LHFPL3: variants seen among roughly 807,000 people sequenced by gnomAD.
LHFPL3 encodes the protein LHFPL tetraspan subfamily member 3 protein.
LHFPL3 carries 5 observed loss-of-function variants against 19.3 expected under a neutral mutation model. That is an observed-to-expected ratio of 0.26 (90% CI 0.14 to 0.54). LHFPL3 has a LOEUF of 0.54. Among genes scored for constraint, LHFPL3 ranks in the 20% least tolerant of loss-of-function variants. The pLI, the probability that LHFPL3 is intolerant of heterozygous loss-of-function variation, is 0.94. For missense variants in LHFPL3, 249 were observed against 307.4 expected (o/e 0.81, Z 1.42); for synonymous variants, 133 against 126.2 (o/e 1.05, Z -0.36).
rs925432887 is a variant in LHFPL3, at chr7:104,668,817, C to T, written c.446-67858C>T. 1.9e-6 allele frequency: 3 copies of T among 1,608,916 alleles called. No homozygotes were observed. The African/African-American group carries it at 4.0e-5, about 22-fold the overall frequency. On this transcript the variant is annotated intron_variant, in intron 1 of 2. Transcript: ENST00000424859. Reference sequence around the variant, plus strand: ...AACTCCCAGTCCACTCGAGCTGCTTCTATCTTTGGAGGGGCAAAGCCTGTT... The same window carrying T: ...AACTCCCAGTCCACTCGAGCTGCTTTTATCTTTGGAGGGGCAAAGCCTGTT...
rs545507753 is a variant in LHFPL3 at position 104,892,968 on chromosome 7, C to T, written c.683-13219C>T. The stretch of plus-strand genomic sequence containing the variant: ...ACAGTGGCTCATGCTTGTAATCCCA[C>T]GCTGAAGCAGGAGGATTGCTTGAGG... On this transcript the variant is annotated intron_variant, in intron 2 of 2. Transcript: ENST00000424859. Among the ~76,000 whole-genome samples, 8 of 152,046 alleles carry T rather than the reference C, an allele frequency of 5.3e-5. No individual in the cohort carries two copies. The East Asian group carries it at 1.4e-3, about 26-fold the overall frequency.
chr7:104,580,718 C>T (rs1426512082), intron 1 of LHFPL3, among the ~76,000 whole-genome samples: 2 of 152,052 alleles, frequency 1.3e-5, no homozygotes, highest in African/African-American at 4.8e-5. Context: ...TCCACCCCTA[C>T]CCTCAGCAAC....
rs1040500632 is a variant in LHFPL3 at position 104,855,677 on chromosome 7, G to T, written c.683-50510G>T. The stretch of plus-strand genomic sequence containing the variant: ...CTCGCTCTGTCACCCAGTCTGGAGT[G>T]CAGTGGCACAATCTCAGCTCACTGC... On this transcript the variant is annotated intron_variant, in intron 2 of 2. Transcript: ENST00000424859. Among the ~76,000 whole-genome samples the T allele has an allele frequency of 1.6e-4, 24 of 150,734 alleles. 1 individual carries two copies. The Middle Eastern group carries it at 0.014, about 85-fold the overall frequency.
chr7:104,716,502 A>T (rs1793388975), intron 1 of LHFPL3, among the ~76,000 whole-genome samples: 1 of 152,224 alleles, frequency 6.6e-6, no homozygotes, highest in Non-Finnish European at 1.5e-5. Flanking sequence ...TCAACATACA[A>T]AATTCTGTTG....
intron 1 of LHFPL3, among the ~76,000 whole-genome samples, chr7:104,594,886 A>G (rs571164762): frequency 6.6e-6 from 1 of 152,102 alleles, no homozygotes; most frequent in African/African-American, 2.4e-5. Context: ...TTTCAGCTCC[A>G]TCAGGTCATT....
intron 2 of LHFPL3, among the ~76,000 whole-genome samples, chr7:104,881,813 T>G (rs903847227): frequency 6.6e-6 from 1 of 152,196 alleles, no homozygotes; most frequent in Admixed American, 6.5e-5. Context: ...GTGGTCTTAT[T>G]TTAGAAATTC....
At chr7:104,678,338 C>G (rs55752637) in intron 1 of LHFPL3, among the ~76,000 whole-genome samples, 21,388 of 152,138 alleles carry the variant, frequency 0.14, 1,608 homozygotes, top group Non-Finnish European at 0.17. Context: ...AAACAGCACC[C>G]CTTACCAAAC....
intron 2 of LHFPL3, among the ~76,000 whole-genome samples, chr7:104,904,458 C>A (rs773045385): frequency 1.3e-5 from 2 of 152,182 alleles, no homozygotes; most frequent in Non-Finnish European, 2.9e-5. Flanking sequence ...CAAGACCAGC[C>A]TGGCCAACAT....
At chr7:104,768,475 G>A (rs1794497776) in intron 2 of LHFPL3, among the ~76,000 whole-genome samples, 1 of 152,166 alleles carries the variant, frequency 6.6e-6, no homozygotes, top group South Asian at 2.1e-4. Context: ...ACACCTAGGG[G>A]TGCTGTGTGA....
chr7:104,517,200 T>G (rs1012003681), intron 1 of LHFPL3, among the ~76,000 whole-genome samples: 8 of 152,054 alleles, frequency 5.3e-5, no homozygotes, highest in African/African-American at 1.7e-4. Flanking sequence ...GATACTAGGC[T>G]TAATACCTGG....
intron 1 of LHFPL3, among the ~76,000 whole-genome samples, chr7:104,576,662 T>G (rs185996747): frequency 0.017 from 2,542 of 152,284 alleles, 51 homozygotes; most frequent in East Asian, 0.12. Flanking sequence ...GTTTGTTTTG[T>G]TTTGTTTTGT....
chr7:104,452,063 A>G (rs1444528940), intron 1 of LHFPL3, among the ~76,000 whole-genome samples: 2 of 152,190 alleles, frequency 1.3e-5, no homozygotes, highest in African/African-American at 4.8e-5. Flanking sequence ...TTCAAATAAT[A>G]TGGTCAAGTT....
chr7:104,390,665 G>T (rs1157756956), intron 1 of LHFPL3, among the ~76,000 whole-genome samples: 1 of 152,202 alleles, frequency 6.6e-6, no homozygotes, highest in Non-Finnish European at 1.5e-5. Context: ...TGTCTTTATA[G>T]CAGCATGATT....
chr7:104,823,502 A>G (rs1790717986), intron 2 of LHFPL3, among the ~76,000 whole-genome samples: 1 of 152,086 alleles, frequency 6.6e-6, no homozygotes, highest in South Asian at 2.1e-4. Flanking sequence ...TTCTCCATTC[A>G]GAGCTTAATT....
intron 1 of LHFPL3, among the ~76,000 whole-genome samples, chr7:104,456,899 T>C: frequency 6.6e-6 from 1 of 152,186 alleles, no homozygotes; most frequent in South Asian, 2.1e-4. Context: ...GAATTGTTTA[T>C]TTCTGGAATT....
intron 1 of LHFPL3, among the ~76,000 whole-genome samples, chr7:104,479,221 G>A (rs1029310022): frequency 2.1e-4 from 32 of 152,278 alleles, no homozygotes; most frequent in African/African-American, 7.7e-4. Flanking sequence ...TTCATAGTCA[G>A]TGCTAACATA....
rs554500175 is a variant in LHFPL3 at position 104,646,395 on chromosome 7, G to A, written c.446-90280G>A. On this transcript the variant is annotated intron_variant, in intron 1 of 2. Coordinates refer to ENST00000424859, the MANE Select transcript of LHFPL3 (RefSeq NM_199000.3). ...TTTAAGCTATCATCAACATCATTGT[G>A]AGTGAAGAAAAATAGCACTCCAAGT... 9.2e-5 allele frequency among the ~76,000 whole-genome samples: 14 copies of A among 152,312 alleles called. No individual in the cohort carries two copies. In the East Asian group the frequency reaches 1.9e-3, roughly 21 times the overall value.
At chr7:104,370,710 G>A (rs570650288) in intron 1 of LHFPL3, among the ~76,000 whole-genome samples, 6 of 152,058 alleles carry the variant, frequency 3.9e-5, no homozygotes, top group East Asian at 1.9e-4. Flanking sequence ...GGTGAAACCC[G>A]TCTCTACTAA....
At chr7:104,710,404 C>T (rs1429492748) in intron 1 of LHFPL3, among the ~76,000 whole-genome samples, 1 of 152,116 alleles carries the variant, frequency 6.6e-6, no homozygotes, top group Non-Finnish European at 1.5e-5. Flanking sequence ...TTGTTTCAGA[C>T]TTTTGTTTCA....
Sources: gnomAD v4.1 joint callset for allele counts (sites outside exome capture counted in the v4.1 genomes callset) on GRCh38, gnomAD v4.1.1 for gene constraint, MANE v1.5 for transcripts, NCBI Gene and HGNC (gene_info 2026-07-23, HGNC 2026-07-21) for gene names.